Variants in IKZF2 observed in about 807,000 individuals in gnomAD.
IKZF2 encodes the protein IKAROS family zinc finger 2, also known as zinc finger protein Helios.
In IKZF2, 15 loss-of-function variants were observed where a neutral mutation model predicts 49.2. The observed-to-expected ratio is 0.30, with a 90% CI of 0.20 to 0.47. The LOEUF is 0.47. IKZF2 is among the 20% of genes least tolerant of loss of function. The pLI, the probability that IKZF2 is intolerant of heterozygous loss-of-function variation, is 1.00. For synonymous variants in IKZF2, 227 were observed against 221.4 expected (o/e 1.03, Z -0.23); for missense variants, 567 against 664.6 (o/e 0.85, Z 1.61).
At chr2:213,071,303 A>G (rs1702678321) in intron 4 of IKZF2, among the ~76,000 whole-genome samples, 1 of 152,176 alleles carries the variant, frequency 6.6e-6, no homozygotes, top group Non-Finnish European at 1.5e-5. Context: ...AATATACAAC[A>G]TTTAAAAACA....
intron 6 of IKZF2, among the ~76,000 whole-genome samples, chr2:213,031,245 T>C (rs1172055700): frequency 3.3e-5 from 5 of 152,258 alleles, no homozygotes; most frequent in Admixed American, 3.3e-4. Context: ...TTCTAGGTGC[T>C]GTAGATACAG....
intron 4 of IKZF2, among the ~76,000 whole-genome samples, chr2:213,146,763 G>GGA (rs1553604935): frequency 7.5e-6 from 1 of 133,280 alleles, no homozygotes; most frequent in African/African-American, 2.7e-5. Flanking sequence ...AATCTTCGGG[G>GGA]GGGGGGAAGG....
At chr2:213,142,249 T>G (rs567465035) in intron 4 of IKZF2, among the ~76,000 whole-genome samples, 18 of 151,878 alleles carry the variant, frequency 1.2e-4, no homozygotes, top group Admixed American at 1.3e-4. Flanking sequence ...TTCTGACATA[T>G]AGACAAACTC....
chr2:213,033,703 T>G (rs996411686), intron 6 of IKZF2, among the ~76,000 whole-genome samples: 3 of 152,238 alleles, frequency 2.0e-5, no homozygotes, highest in Admixed American at 2.0e-4. Context: ...AAATGTGCTG[T>G]CACCCAGACT....
intron 4 of IKZF2, among the ~76,000 whole-genome samples, chr2:213,081,949 G>C (rs1163464999): frequency 6.6e-6 from 1 of 152,134 alleles, no homozygotes; most frequent in Non-Finnish European, 1.5e-5. Context: ...TGCAAAGTCA[G>C]GGAGGTCCTT....
intron 4 of IKZF2, among the ~76,000 whole-genome samples, chr2:213,061,529 T>G (rs1287573529): frequency 1.3e-5 from 2 of 151,250 alleles, no homozygotes; most frequent in African/African-American, 4.8e-5. Flanking sequence ...TTTACTCACA[T>G]AAGAATGAAA....
At chr2:213,094,240 A>G (rs1021209603) in intron 4 of IKZF2, among the ~76,000 whole-genome samples, 3 of 152,124 alleles carry the variant, frequency 2.0e-5, no homozygotes, top group Non-Finnish European at 2.9e-5. Context: ...GACTATGCTG[A>G]GTATGTCAGA....
At chr2:213,139,304 G>A (rs541476049) in intron 4 of IKZF2, among the ~76,000 whole-genome samples, 27 of 151,934 alleles carry the variant, frequency 1.8e-4, no homozygotes, top group Admixed American at 3.3e-4. Flanking sequence ...TCCATTAAAA[G>A]GAGAGGGAAC....
At chr2:213,126,073 T>C (rs181904833) in intron 4 of IKZF2, among the ~76,000 whole-genome samples, 242 of 152,318 alleles carry the variant, frequency 1.6e-3, no homozygotes, top group Middle Eastern at 6.8e-3. Flanking sequence ...ACTATGTTCC[T>C]ATATCATTTT....
intron 4 of IKZF2, among the ~76,000 whole-genome samples, chr2:213,096,475 A>G (rs574471134): frequency 6.6e-6 from 1 of 152,098 alleles, no homozygotes; most frequent in South Asian, 2.1e-4. Flanking sequence ...TAATGTATGG[A>G]TGTATATATA....
intron 4 of IKZF2, among the ~76,000 whole-genome samples, chr2:213,131,559 T>C (rs1410234470): frequency 1.3e-5 from 2 of 152,194 alleles, no homozygotes; most frequent in Non-Finnish European, 1.5e-5. Context: ...ATAAAATCCA[T>C]CTCTAAATTC....
chr2:213,124,553 G>A (rs992607396), intron 4 of IKZF2, among the ~76,000 whole-genome samples: 4 of 152,164 alleles, frequency 2.6e-5, no homozygotes, highest in Non-Finnish European at 4.4e-5. Context: ...AAAACTACAC[G>A]ACACACTTGG....
At chr2:213,064,114 T>TTCC (rs1014452296) in intron 4 of IKZF2, among the ~76,000 whole-genome samples, 1 of 152,132 alleles carries the variant, frequency 6.6e-6, no homozygotes, top group African/African-American at 2.4e-5. Flanking sequence ...ATTCAATCTT[T>TTCC]TCCTCCTCCT....
intron 4 of IKZF2, among the ~76,000 whole-genome samples, chr2:213,101,370 G>A (rs1195027309): frequency 1.3e-5 from 2 of 151,978 alleles, no homozygotes; most frequent in Non-Finnish European, 2.9e-5. Context: ...TTCTTTCAGA[G>A]GTCAAATTAA....
At chr2:213,082,993 T>C (rs755789406) in intron 4 of IKZF2, among the ~76,000 whole-genome samples, 9 of 152,232 alleles carry the variant, frequency 5.9e-5, no homozygotes, top group Non-Finnish European at 1.2e-4. Flanking sequence ...ATATTTCTTT[T>C]CCTTCATATG....
intron 4 of IKZF2, among the ~76,000 whole-genome samples, chr2:213,112,976 G>A (rs2059763337): frequency 6.6e-6 from 1 of 151,968 alleles, no homozygotes; most frequent in South Asian, 2.1e-4. Flanking sequence ...TCCTACAGTT[G>A]CTAAAAAAAG....
At chr2:213,126,086 C>T (rs2060249813) in intron 4 of IKZF2, among the ~76,000 whole-genome samples, 1 of 152,114 alleles carries the variant, frequency 6.6e-6, no homozygotes, top group African/African-American at 2.4e-5. Context: ...ATCATTTTTA[C>T]CTAGAATCTC....
chr2:213,050,505 C>T (rs1700574889), intron 5 of IKZF2, among the ~76,000 whole-genome samples: 1 of 152,154 alleles, frequency 6.6e-6, no homozygotes, highest in South Asian at 2.1e-4. Context: ...AACCAGCTTA[C>T]AAAGCTCATT....
At chr2:213,025,238 C>T (rs1697689609) in intron 6 of IKZF2, among the ~76,000 whole-genome samples, 1 of 152,106 alleles carries the variant, frequency 6.6e-6, no homozygotes, top group Non-Finnish European at 1.5e-5. Context: ...TATATGCATC[C>T]CTTCAGATAT....
Sources: gnomAD v4.1 joint callset for allele counts (sites outside exome capture counted in the v4.1 genomes callset) on GRCh38, gnomAD v4.1.1 for gene constraint, MANE v1.5 for transcripts, NCBI Gene and HGNC (gene_info 2026-07-23, HGNC 2026-07-21) for gene names.